HHAT: variants seen among roughly 807,000 people sequenced by gnomAD.
HHAT encodes the protein hedgehog acyltransferase, also known as protein-cysteine N-palmitoyltransferase HHAT.
A neutral mutation model predicts 70.8 loss-of-function variants in HHAT; 47 were observed. That is an observed-to-expected ratio of 0.66 (90% CI 0.53 to 0.85). The LOEUF is 0.85. HHAT is among the 40% of genes least tolerant of loss of function. HHAT has a pLI of 0.00. For missense variants in HHAT, 609 were observed against 604.8 expected, an observed-to-expected ratio of 1.01 and a Z score of -0.07; for synonymous variants, 228 against 247.6, an observed-to-expected ratio of 0.92 and a Z score of 0.74.
At chr1:210,538,325 A>G (rs1367737974) in intron 9 of HHAT, among the ~76,000 whole-genome samples, 3 of 152,166 alleles carry the variant, frequency 2.0e-5, no homozygotes, top group Non-Finnish European at 4.4e-5. Flanking sequence ...TTCCACTGTA[A>G]TGTAAGGGAC....
chr1:210,340,850 A>T (rs1425199716), intron 1 of HHAT, among the ~76,000 whole-genome samples: 1 of 152,180 alleles, frequency 6.6e-6, no homozygotes, highest in Non-Finnish European at 1.5e-5. Context: ...ACTCTGTAAG[A>T]ATAGTGAGGT....
chr1:210,605,524 A>T (rs1665211540), intron 10 of HHAT, among the ~76,000 whole-genome samples: 1 of 152,192 alleles, frequency 6.6e-6, no homozygotes, highest in Non-Finnish European at 1.5e-5. Context: ...CTACTCTGAA[A>T]AATTGGTCCG....
chr1:210,611,222 C>T (rs1481913742), intron 10 of HHAT, among the ~76,000 whole-genome samples: 1 of 152,158 alleles, frequency 6.6e-6, no homozygotes, highest in Non-Finnish European at 1.5e-5. Context: ...AGAGGTCCTT[C>T]ACTTCCCTTG....
At chr1:210,515,657 C>T (rs1366343889) in intron 9 of HHAT, among the ~76,000 whole-genome samples, 2 of 148,920 alleles carry the variant, frequency 1.3e-5, no homozygotes, top group East Asian at 4.0e-4. Flanking sequence ...ACTCGGGAGG[C>T]TGAGGCAGGA....
At chr1:210,359,249 G>A (rs1013864017) in intron 2 of HHAT, among the ~76,000 whole-genome samples, 4 of 152,114 alleles carry the variant, frequency 2.6e-5, no homozygotes, top group African/African-American at 7.2e-5. Flanking sequence ...AAGGTCTGAG[G>A]TCCCTCCCTA....
intron 10 of HHAT, among the ~76,000 whole-genome samples, chr1:210,608,855 C>T (rs1222971681): frequency 6.6e-6 from 1 of 152,136 alleles, no homozygotes; most frequent in Non-Finnish European, 1.5e-5. Context: ...GGGGACAAAA[C>T]TGAATTGACT....
At position 210,386,487 on chromosome 1, in the gene HHAT, C is replaced by T. The variant is rs532901076; in HGVS notation, c.160-981C>T. ...TCTCCTGACCTCGTGATCCGCCCGC[C>T]TCGGCCTCCCAAAGTGCTGGGATTA... On this transcript the variant is annotated intron_variant, in intron 3 of 11. Transcript: ENST00000261458. Among the ~76,000 whole-genome samples, 516 of 151,918 alleles carry T rather than the reference C, an allele frequency of 3.4e-3. 4 individuals are homozygous for T. Among genetic ancestry groups the T allele is most frequent in the Non-Finnish European group, 5.8e-3 (396 of 67,946 alleles).
At chr1:210,476,940 CCT>C (rs2094315082) in intron 8 of HHAT, among the ~76,000 whole-genome samples, 2 of 152,178 alleles carry the variant, frequency 1.3e-5, no homozygotes, top group African/African-American at 4.8e-5. Flanking sequence ...GACTTCTCCT[CCT>C]TGACATGCCA....
intron 3 of HHAT, among the ~76,000 whole-genome samples, chr1:210,378,271 G>A (rs1057359451): frequency 1.3e-5 from 2 of 152,134 alleles, no homozygotes; most frequent in African/African-American, 4.8e-5. Context: ...CCTTATAAAG[G>A]TTTTCCCTGA....
intron 8 of HHAT, among the ~76,000 whole-genome samples, chr1:210,509,978 A>G (rs2094927004): frequency 6.6e-6 from 1 of 152,192 alleles, no homozygotes. Flanking sequence ...GTCATTGGGA[A>G]GTATTTTCAA....
chr1:210,528,613 G>A (rs188648931), intron 9 of HHAT, among the ~76,000 whole-genome samples: 1 of 152,184 alleles, frequency 6.6e-6, no homozygotes, highest in East Asian at 1.9e-4. Context: ...ACTAGCAAAT[G>A]CATAGTATAG....
chr1:210,358,489 C>T (rs2087893075), intron 2 of HHAT, among the ~76,000 whole-genome samples: 1 of 152,162 alleles, frequency 6.6e-6, no homozygotes, highest in East Asian at 1.9e-4. Context: ...GCCCCTAGGC[C>T]TCCAGAGTGT....
At chr1:210,540,196 A>G (rs1444147867) in intron 9 of HHAT, among the ~76,000 whole-genome samples, 2 of 152,166 alleles carry the variant, frequency 1.3e-5, no homozygotes, top group African/African-American at 2.4e-5. Flanking sequence ...AAAGTAAAGA[A>G]TGTTGTTAGG....
In HHAT at chr1:210,576,607, G is replaced by A. The variant is rs151009006; in HGVS notation, c.1044-11291G>A. Among the ~76,000 whole-genome samples, 855 of 152,000 alleles carry A rather than the reference G, an allele frequency of 5.6e-3. 6 individuals are homozygous for A. Among genetic ancestry groups the A allele is most frequent in the Admixed American group, 0.01 (154 of 15,276 alleles). ...AGTGCAGCACACCAACATGACGTAT[G>A]TTTACATATGTAACAAACCTGCACG... On this transcript the variant is annotated intron_variant, in intron 9 of 11. Transcript: ENST00000261458.
intron 11 of HHAT, among the ~76,000 whole-genome samples, chr1:210,666,607 C>T (rs1030548547): frequency 1.3e-5 from 2 of 152,290 alleles, no homozygotes; most frequent in Admixed American, 6.5e-5. Flanking sequence ...CCTCAGCCTC[C>T]TGAGTAGCTA....
chr1:210,450,120 A>G (rs2093719548), intron 7 of HHAT, among the ~76,000 whole-genome samples: 1 of 152,072 alleles, frequency 6.6e-6, no homozygotes, highest in African/African-American at 2.4e-5. Flanking sequence ...GGTGAACCCC[A>G]TCTCTACTAA....
chr1:210,421,154 C>A (rs1336299959), intron 7 of HHAT, among the ~76,000 whole-genome samples: 1 of 152,026 alleles, frequency 6.6e-6, no homozygotes, highest in Non-Finnish European at 1.5e-5. Context: ...TTGTGTGGAA[C>A]CACAAAAGAT....
chr1:210,604,613 A>G (rs747863459), intron 10 of HHAT, among the ~76,000 whole-genome samples: 9 of 152,190 alleles, frequency 5.9e-5, no homozygotes, highest in Non-Finnish European at 1.0e-4. Flanking sequence ...AACTTTTGCT[A>G]CAGTAAATGT....
chr1:210,595,897 A>T (rs1021485339), intron 10 of HHAT, among the ~76,000 whole-genome samples: 2 of 151,680 alleles, frequency 1.3e-5, no homozygotes, highest in African/African-American at 4.8e-5. Flanking sequence ...GATTGCAAAA[A>T]TTTTCTCCCA....
Sources: allele counts gnomAD v4.1 joint callset (sites outside exome capture counted in the v4.1 genomes callset), GRCh38; gene constraint gnomAD v4.1.1; transcripts MANE v1.5; gene names NCBI Gene and HGNC (gene_info 2026-07-23, HGNC 2026-07-21).